DPP6: variants seen among roughly 807,000 people sequenced by gnomAD.
DPP6 encodes A-type potassium channel modulatory protein DPP6.
A neutral mutation model predicts 122.6 loss-of-function variants in DPP6; 69 were observed. That is an observed-to-expected ratio of 0.56 (90% CI 0.46 to 0.69). The LOEUF (loss-of-function observed/expected upper bound fraction) is 0.69, where lower values mean the gene tolerates loss of function less well. Among genes scored for constraint, DPP6 ranks in the 30% least tolerant of loss-of-function variants. The probability of loss-of-function intolerance (pLI) is 0.00; values close to 1 mark genes in which losing one functional copy is unlikely to be tolerated. For synonymous variants in DPP6, 418 were observed against 433.1 expected, an observed-to-expected ratio of 0.97 and a Z score of 0.43; for missense variants, 928 against 1,116.9, an observed-to-expected ratio of 0.83 and a Z score of 2.41.
the DPP6 span, among the ~76,000 whole-genome samples, chr7:153,768,943 G>C: frequency 2.6e-5 from 4 of 152,124 alleles, no homozygotes; most frequent in Non-Finnish European, 5.9e-5. Context: ...ATAGTGAAAA[G>C]GAAGTAAATT....
chr7:154,227,394 G>T (rs1800674852), intron 1 of DPP6, among the ~76,000 whole-genome samples: 1 of 127,512 alleles, frequency 7.8e-6, no homozygotes. Context: ...GTTGCCAGGG[G>T]GTTGGGAGAA....
chr7:154,106,836 G>A (rs1270989137), intron 1 of DPP6, among the ~76,000 whole-genome samples: 5 of 152,084 alleles, frequency 3.3e-5, no homozygotes, highest in African/African-American at 7.2e-5. Flanking sequence ...AGGGGCCTCC[G>A]GAAGTGAGGG....
At position 153,958,163 on chromosome 7, in the gene DPP6, TAAAAAC is replaced by T. The variant is rs1458341694; in HGVS notation, c.51+70433_51+70438del. 7.2e-5 allele frequency among the ~76,000 whole-genome samples: 11 copies of T among 152,018 alleles called. No homozygotes were observed. The East Asian group carries it at 2.1e-3, about 30-fold the overall frequency. On this transcript the variant is annotated intron_variant, in intron 1 of 25. Coordinates refer to the DPP6 transcript ENST00000404039. ...TGGGCGACGGAGTGAGACTCCATCT[TAAAAAC>T]AAACAAAAAAACAAGCAGATAGACC...
At chr7:154,607,561 C>CAAAAAAAAAAA (rs1162220684) in intron 5 of DPP6, among the ~76,000 whole-genome samples, 1 of 22,378 alleles carries the variant, frequency 4.5e-5, no homozygotes, top group Non-Finnish European at 7.8e-5. Context: ...GACTCTGTCT[C>CAAAAAAAAAAA]AAAAAAAAAA....
the DPP6 span, among the ~76,000 whole-genome samples, chr7:153,788,049 TA>T: frequency 6.6e-6 from 1 of 152,150 alleles, no homozygotes; most frequent in East Asian, 1.9e-4. Context: ...TTTTCTTTTA[TA>T]AAAGGAAAGA....
At chr7:153,972,673 G>A (rs1038014231) in intron 1 of DPP6, among the ~76,000 whole-genome samples, 8 of 151,580 alleles carry the variant, frequency 5.3e-5, no homozygotes, top group African/African-American at 1.7e-4. Context: ...GTTCAGAATT[G>A]TCAGAATTGT....
chr7:154,165,994 C>T (rs1797228210), intron 1 of DPP6, among the ~76,000 whole-genome samples: 4 of 152,284 alleles, frequency 2.6e-5, no homozygotes, highest in Admixed American at 2.0e-4. Context: ...ACTAATACCT[C>T]TCCTGCCTTT....
chr7:154,548,151 G>A (rs1219455146), intron 4 of DPP6, among the ~76,000 whole-genome samples: 1 of 152,200 alleles, frequency 6.6e-6, no homozygotes, highest in East Asian at 1.9e-4. Context: ...GGAGGCTGCA[G>A]TGAGCAGAGA....
At chr7:154,056,932 A>T (rs1800873313) in intron 1 of DPP6, among the ~76,000 whole-genome samples, 1 of 152,238 alleles carries the variant, frequency 6.6e-6, no homozygotes, top group Non-Finnish European at 1.5e-5. Context: ...ATAAATGAGA[A>T]AAAGTCTAAA....
chr7:153,919,899 A>G (rs1442671369), intron 1 of DPP6, among the ~76,000 whole-genome samples: 1 of 152,216 alleles, frequency 6.6e-6, no homozygotes, highest in Non-Finnish European at 1.5e-5. Context: ...TGAGATTATT[A>G]TAAAGTTGGC....
At chr7:153,949,678 A>C (rs1260726344) in intron 1 of DPP6, among the ~76,000 whole-genome samples, 2 of 152,242 alleles carry the variant, frequency 1.3e-5, no homozygotes, top group African/African-American at 2.4e-5. Context: ...CCCAAACTGC[A>C]TATGTCCCTG....
the DPP6 span, among the ~76,000 whole-genome samples, chr7:153,858,256 G>T: frequency 6.6e-6 from 1 of 152,166 alleles, no homozygotes; most frequent in Non-Finnish European, 1.5e-5. Flanking sequence ...TAATTTTTGA[G>T]GAAGGCATGA....
At chr7:154,809,770 C>A (rs909743832) in intron 16 of DPP6, among the ~76,000 whole-genome samples, 1 of 152,170 alleles carries the variant, frequency 6.6e-6, no homozygotes, top group Non-Finnish European at 1.5e-5. Context: ...AAGTTTAAAT[C>A]GTGGTTTGAG....
chr7:154,186,675 A>C (rs1798369095), intron 1 of DPP6, among the ~76,000 whole-genome samples: 1 of 152,246 alleles, frequency 6.6e-6, no homozygotes, highest in African/African-American at 2.4e-5. Flanking sequence ...ACTTGTCACC[A>C]ACACAGTCCA....
At chr7:154,054,628 TAGAC>T (rs1386167195) in intron 1 of DPP6, among the ~76,000 whole-genome samples, 4 of 151,936 alleles carry the variant, frequency 2.6e-5, no homozygotes, top group Non-Finnish European at 4.4e-5. Flanking sequence ...CTGAGGGAAA[TAGAC>T]AGATCCTTCA....
chr7:154,312,062 A>G (rs942576136), intron 1 of DPP6, among the ~76,000 whole-genome samples: 2 of 152,222 alleles, frequency 1.3e-5, no homozygotes, highest in Admixed American at 1.3e-4. Context: ...TTAAGGAATA[A>G]TGAAGGTGAG....
intron 1 of DPP6, among the ~76,000 whole-genome samples, chr7:154,110,363 CAG>C (rs963046279): frequency 7.2e-5 from 11 of 152,098 alleles, no homozygotes; most frequent in Non-Finnish European, 1.0e-4. Flanking sequence ...TTACATGAAA[CAG>C]AAAACACTAT....
At chr7:154,498,387 G>A (rs914862088) in intron 3 of DPP6, among the ~76,000 whole-genome samples, 6 of 152,146 alleles carry the variant, frequency 3.9e-5, no homozygotes, top group East Asian at 1.9e-4. Context: ...CACCTAGGCT[G>A]GAGCGCAGTG....
chr7:153,777,884 C>A, the DPP6 span, among the ~76,000 whole-genome samples: 1 of 146,364 alleles, frequency 6.8e-6, no homozygotes, highest in African/African-American at 2.8e-5. Flanking sequence ...GAGTTTTAAT[C>A]TATGTAACTT....
Sources: gnomAD v4.1 joint callset for allele counts (sites outside exome capture counted in the v4.1 genomes callset) on GRCh38, gnomAD v4.1.1 for gene constraint, MANE v1.5 for transcripts, NCBI Gene and HGNC (gene_info 2026-07-23, HGNC 2026-07-21) for gene names.